Variants in MGMT observed in about 807,000 individuals in gnomAD.
The protein encoded by MGMT is methylated-DNA--protein-cysteine methyltransferase.
In MGMT, 14 loss-of-function variants were observed where a neutral mutation model predicts 15.9. The ratio of observed to expected loss-of-function variants is 0.88; its 90% CI spans 0.58 to 1.37. The LOEUF is 1.37. MGMT is among the 40% of genes most tolerant of loss of function. The probability of loss-of-function intolerance (pLI) is 0.00; values close to 1 mark genes in which losing one functional copy is unlikely to be tolerated. For missense variants in MGMT, 282 were observed against 268.1 expected, an observed-to-expected ratio of 1.05 and a Z score of -0.36; for synonymous variants, 130 against 118.2, an observed-to-expected ratio of 1.10 and a Z score of -0.65.
At chr10:129,624,429 C>A (rs1847123646) in intron 2 of MGMT, among the ~76,000 whole-genome samples, 2 of 152,100 alleles carry the variant, frequency 1.3e-5, no homozygotes, top group African/African-American at 4.8e-5. Flanking sequence ...AAAATAAAGT[C>A]AGATGAGAAA....
intron 2 of MGMT, among the ~76,000 whole-genome samples, chr10:129,558,709 C>T (rs1005022316): frequency 6.6e-6 from 1 of 152,300 alleles, no homozygotes; most frequent in East Asian, 1.9e-4. Flanking sequence ...CCTGCACGGC[C>T]GTTGGAGAGT....
chr10:129,637,990 C>T lies in MGMT; in HGVS notation c.126-69905C>T, dbSNP rs77525213. Among the ~76,000 whole-genome samples, 861 of 152,272 alleles carry T rather than the reference C, an allele frequency of 5.7e-3. 8 individuals are homozygous for T. Among genetic ancestry groups the T allele is most frequent in the African/African-American group, 0.02 (811 of 41,566 alleles). ...TCAGCAAGTGCCAGCCTTGCACTCG[C>T]GGGAGAGTGAGTGCCTCCTGCAGTG... On this transcript the variant is annotated intron_variant, in intron 2 of 4. Coordinates refer to ENST00000651593, the MANE Select transcript of MGMT (RefSeq NM_002412.5).
intron 3 of MGMT, among the ~76,000 whole-genome samples, chr10:129,721,264 G>C (rs925638978): frequency 2.0e-5 from 3 of 152,276 alleles, no homozygotes; most frequent in Non-Finnish European, 4.4e-5. Context: ...AGATATTCTA[G>C]GTTGTGTGCC....
In MGMT at chr10:129,653,661, G is replaced by A. The variant is rs117627371; in HGVS notation, c.126-54234G>A. On this transcript the variant is annotated intron_variant, in intron 2 of 4. Coordinates refer to ENST00000651593, the MANE Select transcript of MGMT (RefSeq NM_002412.5). ...CCCTATGAGATGTCTCAGGCAGCTT[G>A]CAAGATTACATCATGTGATGGCCAA... Among the ~76,000 whole-genome samples, 84 of 152,356 alleles carry A rather than the reference G, an allele frequency of 5.5e-4. 1 individual carries two copies. In the East Asian group the frequency reaches 0.016, roughly 28 times the overall value.
At chr10:129,602,203 T>A (rs1846831356) in intron 2 of MGMT, among the ~76,000 whole-genome samples, 1 of 152,208 alleles carries the variant, frequency 6.6e-6, no homozygotes, top group Non-Finnish European at 1.5e-5. Flanking sequence ...TCTTCATTTT[T>A]ATTGCTTTTT....
Position 129,738,682 on chromosome 10 carries a change from G to A in MGMT, c.275-20520G>A, listed in dbSNP as rs1448986763. ...CCGCAGTAAACATACATGTGCATGT[G>A]TCTTTATAGTAGCATGATTCACAGC... is the stretch of plus-strand genomic sequence containing the variant. On this transcript the variant is annotated intron_variant, in intron 3 of 4. Coordinates refer to ENST00000651593, the MANE Select transcript of MGMT (RefSeq NM_002412.5). Among the ~76,000 whole-genome samples the A allele has an allele frequency of 2.0e-5, 3 of 152,248 alleles. No homozygotes were observed. The East Asian group carries it at 5.8e-4, about 29-fold the overall frequency.
At chr10:129,496,360 T>C (rs1845521401) in intron 1 of MGMT, among the ~76,000 whole-genome samples, 1 of 152,082 alleles carries the variant, frequency 6.6e-6, no homozygotes. Flanking sequence ...CATCTTAAAA[T>C]TGATGAAAGT....
At chr10:129,521,615 C>G (rs1355426388) in intron 1 of MGMT, among the ~76,000 whole-genome samples, 4 of 152,204 alleles carry the variant, frequency 2.6e-5, no homozygotes, top group African/African-American at 9.6e-5. Flanking sequence ...TCTCCCAGGC[C>G]CCCAGGGAGG....
chr10:129,619,603 G>A (rs1164706792), intron 2 of MGMT, among the ~76,000 whole-genome samples: 5 of 151,918 alleles, frequency 3.3e-5, no homozygotes, highest in African/African-American at 1.2e-4. Flanking sequence ...ATCTGGGCCT[G>A]GAATTTTCTT....
At chr10:129,688,034 T>G (rs1371706537) in intron 2 of MGMT, among the ~76,000 whole-genome samples, 5 of 152,228 alleles carry the variant, frequency 3.3e-5, no homozygotes, top group African/African-American at 1.2e-4. Flanking sequence ...AACTCATCAT[T>G]TTTTATGGCT....
chr10:129,716,020 G>A (rs1486870061), intron 3 of MGMT, among the ~76,000 whole-genome samples: 2 of 152,146 alleles, frequency 1.3e-5, no homozygotes, highest in Non-Finnish European at 2.9e-5. Flanking sequence ...GCGTGGAGAT[G>A]GGAACATCCT....
chr10:129,632,632 G>A (rs1270228480), intron 2 of MGMT, among the ~76,000 whole-genome samples: 1 of 152,200 alleles, frequency 6.6e-6, no homozygotes, highest in African/African-American at 2.4e-5. Context: ...AGCAGACCCT[G>A]CCTGCTGCTC....
intron 2 of MGMT, among the ~76,000 whole-genome samples, chr10:129,559,360 C>T (rs1846251755): frequency 1.3e-5 from 2 of 152,082 alleles, no homozygotes; most frequent in Non-Finnish European, 1.5e-5. Flanking sequence ...AAAGCTAAAA[C>T]TAGTTTGGGC....
chr10:129,721,100 A>T (rs1848366026), intron 3 of MGMT, among the ~76,000 whole-genome samples: 1 of 152,124 alleles, frequency 6.6e-6, no homozygotes, highest in Non-Finnish European at 1.5e-5. Flanking sequence ...TTTACTTTGG[A>T]CAAAGGAGTA....
intron 2 of MGMT, among the ~76,000 whole-genome samples, chr10:129,688,460 C>T (rs982424941): frequency 1.3e-5 from 2 of 152,152 alleles, no homozygotes; most frequent in African/African-American, 2.4e-5. Flanking sequence ...AGCATTTTTT[C>T]ATGTGTCTGT....
intron 2 of MGMT, among the ~76,000 whole-genome samples, chr10:129,567,497 G>T (rs1238412868): frequency 2.0e-5 from 3 of 152,132 alleles, no homozygotes; most frequent in African/African-American, 7.2e-5. Flanking sequence ...AGAAGATTCA[G>T]GAATGGGATG....
chr10:129,616,912 T>A (rs1847034486), intron 2 of MGMT, among the ~76,000 whole-genome samples: 1 of 152,174 alleles, frequency 6.6e-6, no homozygotes, highest in Non-Finnish European at 1.5e-5. Flanking sequence ...GAGCCCAGAC[T>A]CTGAGCTTCT....
At chr10:129,751,141 A>G (rs1335003238) in intron 3 of MGMT, among the ~76,000 whole-genome samples, 1 of 152,024 alleles carries the variant, frequency 6.6e-6, no homozygotes, top group Non-Finnish European at 1.5e-5. Flanking sequence ...CATTTTATAG[A>G]ATTCACTGGT....
At chr10:129,591,660 G>C (rs1046563585) in intron 2 of MGMT, among the ~76,000 whole-genome samples, 1 of 152,202 alleles carries the variant, frequency 6.6e-6, no homozygotes, top group African/African-American at 2.4e-5. Context: ...GGCCGGACGC[G>C]GTGGCTCACG....
Sources: allele counts gnomAD v4.1 joint callset (sites outside exome capture counted in the v4.1 genomes callset), GRCh38; gene constraint gnomAD v4.1.1; transcripts MANE v1.5; gene names NCBI Gene and HGNC (gene_info 2026-07-23, HGNC 2026-07-21).